GRXCR1: variants seen among roughly 807,000 people sequenced by gnomAD.
GRXCR1 encodes glutaredoxin domain-containing cysteine-rich protein 1.
In GRXCR1, 27 loss-of-function variants were observed where a neutral mutation model predicts 27.3. The observed-to-expected ratio is 0.99, with a 90% confidence interval of 0.73 to 1.37. The LOEUF (loss-of-function observed/expected upper bound fraction) is 1.37. Ranked by LOEUF, GRXCR1 falls within the 40% of genes most tolerant of loss-of-function variation. The pLI, the probability that GRXCR1 is intolerant of heterozygous loss-of-function variation, is 0.00. For synonymous variants in GRXCR1, 122 were observed against 131.1 expected, an observed-to-expected ratio of 0.93 and a Z score of 0.47; for missense variants, 379 against 354.4, an observed-to-expected ratio of 1.07 and a Z score of -0.56.
intron 2 of GRXCR1, among the ~76,000 whole-genome samples, chr4:42,996,834 A>G (rs1400241065): frequency 6.6e-6 from 1 of 151,924 alleles, no homozygotes; most frequent in Non-Finnish European, 1.5e-5. Context: ...AATATTTTAT[A>G]TTAATAAAAG....
chr4:43,021,280 T>C (rs2109807587), intron 3 of GRXCR1, among the ~76,000 whole-genome samples: 1 of 152,214 alleles, frequency 6.6e-6, no homozygotes. Flanking sequence ...ATTGTTCCAA[T>C]TCCTCATTTC....
chr4:42,995,748 G>GT (rs1712135447), intron 2 of GRXCR1, among the ~76,000 whole-genome samples: 1 of 152,182 alleles, frequency 6.6e-6, no homozygotes, highest in Non-Finnish European at 1.5e-5. Context: ...AAATTTTTAT[G>GT]TTTTTTACCT....
At chr4:42,902,259 T>C (rs1312945929) in intron 1 of GRXCR1, among the ~76,000 whole-genome samples, 2 of 152,124 alleles carry the variant, frequency 1.3e-5, no homozygotes, top group Admixed American at 6.5e-5. Context: ...ATATTATACA[T>C]CAATAAAGTT....
intron 2 of GRXCR1, among the ~76,000 whole-genome samples, chr4:42,983,846 T>G (rs547631119): frequency 2.0e-5 from 3 of 151,438 alleles, no homozygotes; most frequent in Non-Finnish European, 4.4e-5. Flanking sequence ...TTCTTTTTTT[T>G]TTTTTTTCAG....
rs1019240552 is a variant in GRXCR1, at chr4:42,949,965, C to T, written c.385-12927C>T. Among the ~76,000 whole-genome samples, 32 of 152,220 alleles carry T rather than the reference C, an allele frequency of 2.1e-4. 1 individual carries two copies. Among genetic ancestry groups the T allele is most frequent in the Admixed American group, 1.6e-3 (24 of 15,284 alleles). On this transcript the variant is annotated intron_variant, in intron 1 of 3. Coordinates refer to ENST00000399770, the MANE Select transcript of GRXCR1 (RefSeq NM_001080476.3). ...CATTTATGAAAGAATCAGGCTGAGA[C>T]GAAGTACAGGTATTTCAACCCGTAA...
At chr4:42,983,733 A>G (rs1452777123) in intron 2 of GRXCR1, among the ~76,000 whole-genome samples, 1 of 152,088 alleles carries the variant, frequency 6.6e-6, no homozygotes, top group East Asian at 1.9e-4. Context: ...ATGCTCTGCC[A>G]TAAATCCTGT....
intron 1 of GRXCR1, among the ~76,000 whole-genome samples, chr4:42,934,475 G>T (rs917503255): frequency 4.6e-5 from 7 of 151,682 alleles, no homozygotes; most frequent in Admixed American, 4.6e-4. Context: ...TCTTTTCATA[G>T]AATTAATATA....
intron 1 of GRXCR1, among the ~76,000 whole-genome samples, chr4:42,925,323 T>A (rs1161907959): frequency 1.3e-5 from 2 of 151,974 alleles, no homozygotes; most frequent in African/African-American, 4.8e-5. Context: ...AGTAGGATGT[T>A]CCAACAACTG....
chr4:42,922,034 C>T (rs1441651075), intron 1 of GRXCR1, among the ~76,000 whole-genome samples: 1 of 152,052 alleles, frequency 6.6e-6, no homozygotes. Context: ...ATCTGTTAGG[C>T]CTGGGATATG....
At chr4:42,896,814 A>T (rs1435868143) in intron 1 of GRXCR1, among the ~76,000 whole-genome samples, 1 of 152,116 alleles carries the variant, frequency 6.6e-6, no homozygotes. Flanking sequence ...ATATGCAATG[A>T]CTTGTTATTC....
chr4:42,909,183 G>A (rs1746663090), intron 1 of GRXCR1, among the ~76,000 whole-genome samples: 2 of 152,154 alleles, frequency 1.3e-5, no homozygotes, highest in Admixed American at 6.5e-5. Context: ...TTAAGTTATT[G>A]CTGCAGGTGC....
chr4:42,968,719 A>C (rs1205497561), intron 2 of GRXCR1, among the ~76,000 whole-genome samples: 2 of 152,104 alleles, frequency 1.3e-5, no homozygotes, highest in African/African-American at 2.4e-5. Flanking sequence ...TGGAATAAAA[A>C]AGAAAAGCAA....
At chr4:42,965,979 T>C (rs1301244784) in intron 2 of GRXCR1, among the ~76,000 whole-genome samples, 3 of 151,988 alleles carry the variant, frequency 2.0e-5, no homozygotes, top group Admixed American at 2.0e-4. Flanking sequence ...CTAAGCTCTT[T>C]TTTTCCTGAT....
intron 1 of GRXCR1, among the ~76,000 whole-genome samples, chr4:42,905,112 G>A (rs1344267358): frequency 6.6e-6 from 1 of 152,176 alleles, no homozygotes; most frequent in Non-Finnish European, 1.5e-5. Flanking sequence ...TTGTCTTGCG[G>A]CCAATTCCTC....
intron 1 of GRXCR1, among the ~76,000 whole-genome samples, chr4:42,911,824 T>C (rs1009616337): frequency 6.6e-6 from 1 of 152,168 alleles, no homozygotes; most frequent in Admixed American, 6.6e-5. Flanking sequence ...GAGCAGTACC[T>C]GGCATATAAC....
At chr4:43,027,861 G>T (rs1713304572) in intron 3 of GRXCR1, among the ~76,000 whole-genome samples, 2 of 152,186 alleles carry the variant, frequency 1.3e-5, no homozygotes, top group Admixed American at 1.3e-4. Flanking sequence ...TGTAATCCCA[G>T]CACTTTGGGA....
chr4:42,988,166 A>G (rs956767670), intron 2 of GRXCR1, among the ~76,000 whole-genome samples: 5 of 152,188 alleles, frequency 3.3e-5, no homozygotes, highest in African/African-American at 9.7e-5. Flanking sequence ...CTTGGCAGCA[A>G]TGATACTTGC....
intron 2 of GRXCR1, among the ~76,000 whole-genome samples, chr4:42,964,178 A>AT (rs1748188514): frequency 6.6e-6 from 1 of 151,976 alleles, no homozygotes; most frequent in Non-Finnish European, 1.5e-5. Flanking sequence ...TTTTTGTTGC[A>AT]TTTCAACATA....
At chr4:42,951,238 A>T (rs990306015) in intron 1 of GRXCR1, among the ~76,000 whole-genome samples, 9 of 152,338 alleles carry the variant, frequency 5.9e-5, no homozygotes, top group African/African-American at 2.2e-4. Flanking sequence ...CTCACTCAAC[A>T]GATGGTACGT....
Sources: gnomAD v4.1 joint callset for allele counts (sites outside exome capture counted in the v4.1 genomes callset) on GRCh38, gnomAD v4.1.1 for gene constraint, MANE v1.5 for transcripts, NCBI Gene and HGNC (gene_info 2026-07-23, HGNC 2026-07-21) for gene names.